Variants in PLCB1 observed in about 807,000 individuals in gnomAD.
PLCB1 encodes the protein phospholipase C beta 1, also known as 1-phosphatidylinositol 4,5-bisphosphate phosphodiesterase beta-1.
A neutral mutation model predicts 161.8 loss-of-function variants in PLCB1; 46 were observed. That is an observed-to-expected ratio of 0.28 (90% CI 0.22 to 0.36). PLCB1 has a LOEUF of 0.36. PLCB1 is among the 10% of genes least tolerant of loss of function. PLCB1 has a pLI of 1.00. For missense variants in PLCB1, 1,016 were observed against 1,472.5 expected, an observed-to-expected ratio of 0.69 and a Z score of 5.07; for synonymous variants, 517 against 503.7, an observed-to-expected ratio of 1.03 and a Z score of -0.35.
At chr20:8,161,311 A>G (rs1268469476) in intron 2 of PLCB1, among the ~76,000 whole-genome samples, 1 of 152,124 alleles carries the variant, frequency 6.6e-6, no homozygotes, top group Admixed American at 6.5e-5. Context: ...ATACTTACAC[A>G]TATATATAGT....
intron 31 of PLCB1, chr20:8,802,290 C>A: frequency 3.4e-6 from 2 of 589,308 alleles, no homozygotes; most frequent in Non-Finnish European, 6.0e-6. Context: ...ACATTCCCAT[C>A]TTTTTTTTCT....
chr20:8,512,572 A>C (rs954160328), intron 3 of PLCB1, among the ~76,000 whole-genome samples: 9 of 152,004 alleles, frequency 5.9e-5, no homozygotes, highest in African/African-American at 1.9e-4. Context: ...TGTTTTTTTA[A>C]TTGATAAATA....
intron 2 of PLCB1, among the ~76,000 whole-genome samples, chr20:8,370,498 T>G (rs923057191): frequency 4.8e-4 from 73 of 152,268 alleles, no homozygotes; most frequent in African/African-American, 1.8e-3. Context: ...CCCGCAATGT[T>G]CTCTGTCTCT....
At chr20:8,165,969 T>C (rs1179581264) in intron 2 of PLCB1, among the ~76,000 whole-genome samples, 1 of 152,150 alleles carries the variant, frequency 6.6e-6, no homozygotes, top group African/African-American at 2.4e-5. Flanking sequence ...ACTTTGACCC[T>C]GGACCCTAGC....
At chr20:8,606,610 G>T (rs1383285743) in intron 3 of PLCB1, among the ~76,000 whole-genome samples, 2 of 152,062 alleles carry the variant, frequency 1.3e-5, no homozygotes, top group Non-Finnish European at 2.9e-5. Context: ...TCTTTTTTAG[G>T]ATATTTACAA....
At chr20:8,409,459 ATTATTG>A (rs1325330623) in intron 3 of PLCB1, among the ~76,000 whole-genome samples, 1 of 145,968 alleles carries the variant, frequency 6.9e-6, no homozygotes, top group Non-Finnish European at 1.5e-5. Flanking sequence ...TATTATTATT[ATTATTG>A]TTATTATTAA....
intron 9 of PLCB1, among the ~76,000 whole-genome samples, chr20:8,683,422 G>T (rs75985533): frequency 6.6e-6 from 1 of 150,800 alleles, no homozygotes; most frequent in Non-Finnish European, 1.5e-5. Context: ...GCTACCCTCC[G>T]ACATTTGTTG....
At chr20:8,875,541 T>C (rs1987751576) in intron 31 of PLCB1, among the ~76,000 whole-genome samples, 1 of 148,216 alleles carries the variant, frequency 6.7e-6, no homozygotes, top group South Asian at 2.1e-4. Flanking sequence ...TTAATATTTA[T>C]ATTATAAAAT....
chr20:8,841,570 C>A (rs1986504793), intron 31 of PLCB1, among the ~76,000 whole-genome samples: 2 of 152,324 alleles, frequency 1.3e-5, no homozygotes, highest in South Asian at 4.1e-4. Context: ...TTTCTGCCTT[C>A]CTACCTCTGT....
intron 3 of PLCB1, among the ~76,000 whole-genome samples, chr20:8,574,553 T>G (rs1460147503): frequency 6.6e-6 from 1 of 152,204 alleles, no homozygotes; most frequent in Non-Finnish European, 1.5e-5. Flanking sequence ...GAAAATCGTT[T>G]ATTTTGAAGA....
intron 2 of PLCB1, among the ~76,000 whole-genome samples, chr20:8,322,213 C>A (rs1984951626): frequency 6.6e-6 from 1 of 152,058 alleles, no homozygotes; most frequent in African/African-American, 2.4e-5. Context: ...GGGTTCCTTT[C>A]CCCAGATAAT....
At chr20:8,315,155 T>C (rs2122136993) in intron 2 of PLCB1, among the ~76,000 whole-genome samples, 1 of 152,266 alleles carries the variant, frequency 6.6e-6, no homozygotes, top group Non-Finnish European at 1.5e-5. Context: ...CTTCCATCCT[T>C]GGACTAAGCA....
chr20:8,608,151 C>T (rs1243245179), intron 3 of PLCB1, among the ~76,000 whole-genome samples: 1 of 152,090 alleles, frequency 6.6e-6, no homozygotes, highest in African/African-American at 2.4e-5. Context: ...TTAATGCATT[C>T]TGTGCTCTTT....
At chr20:8,794,430 G>A (rs903858215) in intron 31 of PLCB1, among the ~76,000 whole-genome samples, 10 of 152,140 alleles carry the variant, frequency 6.6e-5, no homozygotes, top group Non-Finnish European at 1.3e-4. Context: ...GGCTTCAGCC[G>A]GTCCCTCCAT....
At chr20:8,483,350 G>A (rs1204665635) in intron 3 of PLCB1, among the ~76,000 whole-genome samples, 3 of 152,022 alleles carry the variant, frequency 2.0e-5, no homozygotes. Flanking sequence ...TATAAATGCA[G>A]GTCTAGTTTC....
chr20:8,626,570 A>G (rs1169740370), intron 3 of PLCB1, among the ~76,000 whole-genome samples: 1 of 152,208 alleles, frequency 6.6e-6, no homozygotes. Flanking sequence ...TTGTGTGGCT[A>G]TCACTGGAAG....
intron 2 of PLCB1, among the ~76,000 whole-genome samples, chr20:8,173,311 A>T (rs1023474889): frequency 6.6e-6 from 1 of 152,154 alleles, no homozygotes; most frequent in African/African-American, 2.4e-5. Flanking sequence ...TAGACCCAAG[A>T]TGCTATTCTC....
At chr20:8,282,317 G>T (rs978633304) in intron 2 of PLCB1, among the ~76,000 whole-genome samples, 1 of 152,104 alleles carries the variant, frequency 6.6e-6, no homozygotes, top group African/African-American at 2.4e-5. Flanking sequence ...TCCTATTCTT[G>T]ACTTTTATTA....
At chr20:8,494,138 G>A (rs1193782643) in intron 3 of PLCB1, among the ~76,000 whole-genome samples, 1 of 152,174 alleles carries the variant, frequency 6.6e-6, no homozygotes, top group East Asian at 1.9e-4. Flanking sequence ...TTACCTTGGT[G>A]TATGAGAGTC....
Sources: gnomAD v4.1 joint callset for allele counts (sites outside exome capture counted in the v4.1 genomes callset) on GRCh38, gnomAD v4.1.1 for gene constraint, MANE v1.5 for transcripts, NCBI Gene and HGNC (gene_info 2026-07-23, HGNC 2026-07-21) for gene names.